EXOG: variants seen among roughly 807,000 people sequenced by gnomAD.
EXOG encodes the protein nuclease EXOG, mitochondrial.
A neutral mutation model predicts 25.8 loss-of-function variants in EXOG; 27 were observed. The ratio of observed to expected loss-of-function variants is 1.05; its 90% CI spans 0.77 to 1.45. The LOEUF (loss-of-function observed/expected upper bound fraction) is 1.45. Among genes scored for constraint, EXOG ranks in the 40% most tolerant of loss-of-function variants. EXOG has a pLI of 0.00. For synonymous variants in EXOG, 133 were observed against 167.0 expected, an observed-to-expected ratio of 0.80 and a Z score of 1.57; for missense variants, 458 against 450.5, an observed-to-expected ratio of 1.02 and a Z score of -0.15.
In EXOG at chr3:38,506,879, A is replaced by G; in HGVS notation, c.556A>G (p.Thr186Ala). The change falls in exon 5 of 6, where the codon ACA becomes GCA. Residue 186 changes from threonine to alanine, a missense_variant. This residue lies in a region of EXOG where 178 missense variants were observed against 203.7 expected (regional missense o/e 0.87). Transcript: ENST00000287675. ...AATAGAAATGTACTGTCGAGAGCTGACAGAAAGGTTTGAAGATGTTTGGGT... is the reference window on the plus strand; with the variant it reads ...AATAGAAATGTACTGTCGAGAGCTGGCAGAAAGGTTTGAAGATGTTTGGGT... ...NRIEMYCREL[T>A]ERFEDVWVVS... The G allele has an allele frequency of 6.3e-7, 1 of 1,595,860 alleles. No individual in the cohort carries two copies. The highest frequency in any genetic ancestry group is 1.7e-5 in the Admixed American group (1 of 59,924).
In EXOG at chr3:38,524,278, T is replaced by C; in HGVS notation, c.1023T>C (p.Asp341=). ...NLKNAEIEPD[D]YFMSRYEKKL... Reference sequence around the variant, plus strand: ...AGAATGCAGAGATTGAACCAGATGATTACTTTATGAGTCGCTATGAGAAGA... The same window carrying C: ...AGAATGCAGAGATTGAACCAGATGACTACTTTATGAGTCGCTATGAGAAGA... The change falls in exon 6 of 6, where the codon GAT becomes GAC. Residue 341 remains aspartate, a synonymous_variant. Transcript: ENST00000287675. 1 of 1,614,108 alleles carries C rather than the reference T, an allele frequency of 6.2e-7. No homozygotes were observed. The highest frequency in any genetic ancestry group is 8.5e-7 in the Non-Finnish European group (1 of 1,180,012).
In EXOG at chr3:38,525,254, T is replaced by A; in HGVS notation, c.*892T>A. 1.0e-6 allele frequency: 1 copy of A among 985,210 alleles called. No homozygotes were observed. Among genetic ancestry groups the A allele is most frequent in the South Asian group, 4.7e-5 (1 of 21,280 alleles). 61.0% of individuals were successfully genotyped at this position (985,210 alleles called of 1,614,324 possible). ...CCTGAGTTTCACTTTTCCAAAGTAG[T>A]CATCCACAAAGTATGAGGCAGACAG... is the stretch of plus-strand genomic sequence containing the variant. On this transcript the variant is annotated 3_prime_UTR_variant, in exon 6 of 6. Coordinates refer to ENST00000287675, the MANE Select transcript of EXOG (RefSeq NM_005107.4).
Position 38,524,646 on chromosome 3 carries a change from A to G in EXOG, c.*284A>G, listed in dbSNP as rs2060829253. 9.2e-7 allele frequency: 1 copy of G among 1,086,588 alleles called. No individual in the cohort carries two copies. The highest frequency in any genetic ancestry group is 1.1e-6 in the Non-Finnish European group (1 of 896,480). 67.3% of individuals were successfully genotyped at this position (1,086,588 alleles called of 1,614,324 possible). ...ACTAGTGGCTTTGCTTTAAAGAAAC[A>G]GTGGAATCCTAAATTTATGACTAAA... On this transcript the variant is annotated 3_prime_UTR_variant, in exon 6 of 6. Coordinates refer to ENST00000287675, the MANE Select transcript of EXOG (RefSeq NM_005107.4).
rs780010181 is a variant in EXOG, at chr3:38,524,206, A to G, written c.951A>G (p.Glu317=). The G allele has an allele frequency of 2.5e-6, 4 of 1,614,072 alleles. No individual in the cohort carries two copies. In the African/African-American group the frequency reaches 4.0e-5, roughly 16 times the overall value. The part of the protein sequence containing the change: ...FTLYLSTRKI[E]GARSVLRLEK... The stretch of plus-strand genomic sequence containing the variant: ...TGTACTTGAGTACAAGAAAGATTGA[A>G]GGAGCCCGATCAGTGCTCAGACTGG... Residue 317 remains glutamate, a synonymous_variant, in exon 6 of 6, where the codon GAA becomes GAG. Coordinates refer to ENST00000287675, the MANE Select transcript of EXOG (RefSeq NM_005107.4).
intron 3 of EXOG, among the ~76,000 whole-genome samples, chr3:38,502,479 TTACATA>T (rs1406625256): frequency 4.6e-5 from 7 of 152,216 alleles, no homozygotes; most frequent in Non-Finnish European, 1.0e-4. Context: ...TACATTTACT[TTACATA>T]TACATATGTA....
At chr3:38,502,846 T>G (rs2060088831) in intron 3 of EXOG, among the ~76,000 whole-genome samples, 1 of 152,196 alleles carries the variant, frequency 6.6e-6, no homozygotes, top group Non-Finnish European at 1.5e-5. Flanking sequence ...TTTCATGATA[T>G]TGACAATTGT....
At chr3:38,497,984 C>A (rs2125744917) in intron 2 of EXOG, 2 of 547,916 alleles carry the variant, frequency 3.7e-6, no homozygotes, top group East Asian at 3.6e-5. Flanking sequence ...GCTGAAAATA[C>A]CCATATCTTG....
intron 5 of EXOG, among the ~76,000 whole-genome samples, chr3:38,518,504 A>G (rs1478588646): frequency 6.6e-6 from 1 of 152,236 alleles, no homozygotes; most frequent in Non-Finnish European, 1.5e-5. Flanking sequence ...TTTCAAGGCA[A>G]TGTCTTGCAA....
At position 38,523,272 on chromosome 3, in the gene EXOG, A is replaced by G. The variant is rs975119938; in HGVS notation, c.646-629A>G. On this transcript the variant is annotated intron_variant, in intron 5 of 5. Coordinates refer to ENST00000287675, the MANE Select transcript of EXOG (RefSeq NM_005107.4). ...GAGAAAATGACAGCTTTTCTTGTCT[A>G]TTAAAAAACCAGGACTCACTCATGG... 11 of 1,288,322 alleles carry G rather than the reference A, an allele frequency of 8.5e-6. No individual in the cohort carries two copies. The East Asian group carries it at 1.7e-4, about 19-fold the overall frequency. 79.8% of individuals were successfully genotyped at this position (1,288,322 alleles called of 1,614,324 possible).
At chr3:38,511,218 C>CT (rs1035280518) in intron 5 of EXOG, among the ~76,000 whole-genome samples, 85 of 152,262 alleles carry the variant, frequency 5.6e-4, no homozygotes, top group African/African-American at 2.0e-3. Context: ...TATTAATTCT[C>CT]TTTTTTTAAA....
chr3:38,521,053 A>C (rs1443596126), intron 5 of EXOG, among the ~76,000 whole-genome samples: 1 of 152,258 alleles, frequency 6.6e-6, no homozygotes, highest in Non-Finnish European at 1.5e-5. Context: ...AAATTGTCTT[A>C]AATTCAAGGA....
chr3:38,501,281 G>A, intron 2 of EXOG, 74 bp from the exon 3 acceptor site: 4 of 1,330,014 alleles, frequency 3.0e-6, no homozygotes, highest in Non-Finnish European at 4.3e-6. Flanking sequence ...GTAGCAACCA[G>A]CTTGCCTTGC....
chr3:38,510,311 G>A (rs1245880194), intron 5 of EXOG, among the ~76,000 whole-genome samples: 1 of 152,142 alleles, frequency 6.6e-6, no homozygotes, highest in Admixed American at 6.5e-5. Context: ...TCTTAGATTA[G>A]ATCCTAGACC....
At chr3:38,514,778 C>CCCTT (rs552262186) in intron 5 of EXOG, among the ~76,000 whole-genome samples, 276 of 113,234 alleles carry the variant, frequency 2.4e-3, no homozygotes, top group African/African-American at 4.9e-3. Flanking sequence ...CCTCCCCCTG[C>CCCTT]TTTTTTTTTT....
chr3:38,496,552 C>T (rs756746296), intron 1 of EXOG, 22 bp downstream of exon 1: 3 of 1,597,790 alleles, frequency 1.9e-6, no homozygotes, highest in East Asian at 4.5e-5. Flanking sequence ...GGCCCGTCCT[C>T]CCTTCGCTGG....
intron 2 of EXOG, chr3:38,498,165 G>A (rs2059948250): frequency 5.9e-6 from 1 of 168,930 alleles, no homozygotes; most frequent in Non-Finnish European, 1.2e-5. Context: ...TGAGTTGGGA[G>A]AGTGGGTTGA....
intron 5 of EXOG, among the ~76,000 whole-genome samples, chr3:38,508,798 C>T (rs987428376): frequency 8.8e-5 from 13 of 148,286 alleles, no homozygotes; most frequent in African/African-American, 3.2e-4. Flanking sequence ...ATCAGATGTG[C>T]AGTAATGTCC....
chr3:38,523,851 C>G, intron 5 of EXOG, 50 bp from the exon 6 acceptor site: 1 of 1,400,722 alleles, frequency 7.1e-7, no homozygotes, highest in Non-Finnish European at 9.6e-7. Context: ...AAAAAATTTG[C>G]GAACTGTTAG....
intron 5 of EXOG, among the ~76,000 whole-genome samples, chr3:38,517,196 A>G (rs1175857435): frequency 1.7e-4 from 26 of 152,120 alleles, no homozygotes; most frequent in Admixed American, 1.7e-3. Flanking sequence ...TCTAATTCTT[A>G]CTCCTTAATT....
Sources: gnomAD v4.1 joint callset for allele counts (sites outside exome capture counted in the v4.1 genomes callset) on GRCh38, gnomAD v4.1.1 for gene constraint, gnomAD v4.1.1 regional missense constraint, MANE v1.5 for transcripts, NCBI Gene and HGNC (gene_info 2026-07-23, HGNC 2026-07-21) for gene names.